Variants in MID2 observed in about 807,000 individuals in gnomAD.
The protein encoded by MID2 is probable E3 ubiquitin-protein ligase MID2.
Under a neutral mutation model 46.1 loss-of-function variants are expected in MID2, and 13 were observed. That is an observed-to-expected ratio of 0.28 (90% CI 0.18 to 0.45). MID2 has a LOEUF of 0.45. Ranked by LOEUF, MID2 falls within the 20% of genes least tolerant of loss-of-function variation. The pLI is 1.00. For missense variants in MID2, 431 were observed against 575.4 expected (o/e 0.75, Z 2.57); for synonymous variants, 199 against 212.3 (o/e 0.94, Z 0.55).
intron 1 of MID2, among the ~76,000 whole-genome samples, chrX:107,837,549 A>C (rs1223516518): frequency 2.7e-5 from 3 of 110,501 alleles, no homozygotes; most frequent in African/African-American, 9.9e-5. Context: ...AAAAAAAAAA[A>C]ACTCTATAAA....
chrX:107,878,698 A>G (rs1380721249), intron 3 of MID2, among the ~76,000 whole-genome samples: 1 of 112,104 alleles, frequency 8.9e-6, no homozygotes, highest in Non-Finnish European at 1.9e-5. Flanking sequence ...CTGGTCCCAC[A>G]TGATGGCTAG....
chrX:107,917,191 A>G (rs1298064627), intron 6 of MID2, among the ~76,000 whole-genome samples: 1 of 112,061 alleles, frequency 8.9e-6, no homozygotes, highest in East Asian at 2.8e-4. Flanking sequence ...TGAAGACCGT[A>G]TGTTAAGAAA....
intron 3 of MID2, among the ~76,000 whole-genome samples, chrX:107,868,418 G>T (rs917810788): frequency 9.0e-6 from 1 of 111,562 alleles, no homozygotes; most frequent in Non-Finnish European, 1.9e-5. Flanking sequence ...GGAAGGAGTG[G>T]AACCAGAAGA....
intron 5 of MID2, among the ~76,000 whole-genome samples, chrX:107,914,533 C>T (rs1932938987): frequency 8.9e-6 from 1 of 111,824 alleles, no homozygotes; most frequent in Non-Finnish European, 1.9e-5. Flanking sequence ...TTTCAGTTTC[C>T]CATTCCCTTA....
chrX:107,859,866 A>G (rs1456064774), intron 3 of MID2, among the ~76,000 whole-genome samples: 1 of 112,246 alleles, frequency 8.9e-6, no homozygotes, highest in Non-Finnish European at 1.9e-5. Flanking sequence ...AATGTAAGAC[A>G]TGAGATTGCA....
intron 1 of MID2, 65 bp downstream of exon 1, chrX:107,826,495 C>A (rs1262691716): frequency 9.2e-7 from 1 of 1,082,137 alleles, no homozygotes; most frequent in Non-Finnish European, 1.2e-6. Context: ...GGGCTAGTCT[C>A]CGGCTCCGGC....
At position 107,927,637 on chromosome X, in the gene MID2, G is replaced by T. The variant is rs771907815; in HGVS notation, c.*564G>T. Among the ~76,000 whole-genome samples the T allele has an allele frequency of 1.8e-5, 2 of 111,749 alleles. No individual in the cohort carries two copies. Among genetic ancestry groups the T allele is most frequent in the East Asian group, 5.6e-4 (2 of 3,584 alleles). ...ACTTTATATATATTCACTTGTGTAT[G>T]TATGTTTATGCATATTCACTTTATA... On this transcript the variant is annotated 3_prime_UTR_variant, in exon 10 of 10. Transcript: ENST00000262843.
chrX:107,876,217 C>G (rs1932197817), intron 3 of MID2, among the ~76,000 whole-genome samples: 1 of 111,439 alleles, frequency 9.0e-6, no homozygotes, highest in East Asian at 2.8e-4. Context: ...TTTTCTCTCT[C>G]TCTCCTGGAC....
intron 3 of MID2, among the ~76,000 whole-genome samples, chrX:107,897,931 C>T (rs1403129658): frequency 8.9e-6 from 1 of 111,801 alleles, no homozygotes; most frequent in Non-Finnish European, 1.9e-5. Flanking sequence ...TCCAATTTAC[C>T]TCTCACTTTT....
rs187956478 is a variant in MID2 at position 107,846,839 on chromosome X, T to C, written c.720+5454T>C. 7.9e-4 allele frequency among the ~76,000 whole-genome samples: 89 copies of C among 112,363 alleles called. No homozygotes were observed. The East Asian group carries it at 0.019, about 24-fold the overall frequency. On this transcript the variant is annotated intron_variant, in intron 2 of 9. Transcript: ENST00000262843. ...GCTCAAGTTTTCTCTTCACCAATAT[T>C]TGAAAGGAGCTAACAATCGTTTGTT...
At chrX:107,914,226 C>T (rs1932932901) in intron 5 of MID2, among the ~76,000 whole-genome samples, 1 of 112,125 alleles carries the variant, frequency 8.9e-6, no homozygotes, top group African/African-American at 3.2e-5. Flanking sequence ...CAGTACAGTG[C>T]CTGGCACATT....
At chrX:107,905,229 T>C (rs1932826116) in intron 4 of MID2, among the ~76,000 whole-genome samples, 1 of 110,119 alleles carries the variant, frequency 9.1e-6, no homozygotes, top group African/African-American at 3.3e-5. Context: ...ACAGAGGAGG[T>C]AGATAACCGA....
chrX:107,871,771 A>C (rs1320308720), intron 3 of MID2, among the ~76,000 whole-genome samples: 3 of 111,159 alleles, frequency 2.7e-5, no homozygotes, highest in Admixed American at 9.5e-5. Flanking sequence ...GTCCCTCTGA[A>C]GTCAAGCTGC....
chrX:107,826,554 C>T, intron 1 of MID2, 124 bp downstream of exon 1: 1 of 863,053 alleles, frequency 1.2e-6, no homozygotes, highest in Non-Finnish European at 1.5e-6. Flanking sequence ...GGCTCTCCGG[C>T]TCGGCGAGGC....
chrX:107,867,792 C>A (rs1165851178), intron 3 of MID2, among the ~76,000 whole-genome samples: 1 of 111,556 alleles, frequency 9.0e-6, no homozygotes, highest in East Asian at 2.8e-4. Context: ...TTCTGAGGAG[C>A]TGGTGATACC....
chrX:107,914,705 G>A (rs1835961303), intron 5 of MID2, among the ~76,000 whole-genome samples: 1 of 112,139 alleles, frequency 8.9e-6, no homozygotes, highest in Non-Finnish European at 1.9e-5. Context: ...TCTTGCACAG[G>A]ACTAAAACAT....
chrX:107,863,462 G>A (rs1172460833), intron 3 of MID2, among the ~76,000 whole-genome samples: 6 of 111,524 alleles, frequency 5.4e-5, no homozygotes, highest in Admixed American at 9.5e-5. Flanking sequence ...TTACAGTCCC[G>A]TTTCCCATCC....
chrX:107,868,822 G>A (rs989240868), intron 3 of MID2, among the ~76,000 whole-genome samples: 12 of 110,655 alleles, frequency 1.1e-4, no homozygotes, highest in African/African-American at 3.6e-4. Flanking sequence ...ACAAATTTAA[G>A]GGGGATCAAT....
intron 1 of MID2, among the ~76,000 whole-genome samples, chrX:107,836,146 C>A (rs1353277875): frequency 8.9e-6 from 1 of 112,250 alleles, no homozygotes; most frequent in Non-Finnish European, 1.9e-5. Context: ...GGTCTTGGAA[C>A]CCTTGTTGAA....
Sources: allele counts gnomAD v4.1 joint callset (sites outside exome capture counted in the v4.1 genomes callset), GRCh38; gene constraint gnomAD v4.1.1; transcripts MANE v1.5; gene names NCBI Gene and HGNC (gene_info 2026-07-23, HGNC 2026-07-21).